The following PCDHGA1 variants were observed in gnomAD, a reference collection of about 807,000 sequenced individuals.
The protein encoded by PCDHGA1 is protocadherin gamma-A1.
PCDHGA1 carries 32 observed loss-of-function variants against 58.0 expected under a neutral mutation model. The ratio of observed to expected loss-of-function variants is 0.55; its 90% confidence interval spans 0.42 to 0.74. PCDHGA1 has a LOEUF of 0.74. Ranked by LOEUF, PCDHGA1 falls within the 30% of genes least tolerant of loss-of-function variation. The pLI, the probability that PCDHGA1 is intolerant of heterozygous loss-of-function variation, is 0.00. For synonymous variants in PCDHGA1, 498 were observed against 501.1 expected (o/e 0.99, Z 0.08); for missense variants, 1,205 against 1,182.3 (o/e 1.02, Z -0.28).
chr5:141,468,814 C>G (rs2099180978), intron 1 of PCDHGA1, among the ~76,000 whole-genome samples: 1 of 151,814 alleles, frequency 6.6e-6, no homozygotes, highest in African/African-American at 2.4e-5. Context: ...TGCAGTGAGC[C>G]AAGATCAAGC....
At chr5:141,419,139 G>C in intron 1 of PCDHGA1, 1 of 1,613,916 alleles carries the variant, frequency 6.2e-7, no homozygotes, top group South Asian at 1.1e-5. Flanking sequence ...GCCACAGACA[G>C]GGGCAAGCCT....
At chr5:141,393,051 C>T in intron 1 of PCDHGA1, 1 of 1,613,622 alleles carries the variant, frequency 6.2e-7, no homozygotes, top group Non-Finnish European at 8.5e-7. Context: ...TCTGAACCCG[C>T]GCAGCGGCAG....
chr5:141,332,610 C>T lies in PCDHGA1; in HGVS notation c.1926C>T (p.Leu642=). 6.2e-7 allele frequency: 1 copy of T among 1,612,896 alleles called. No homozygotes were observed. ...ACAGAGACGCGCTCAAGCAGAGTCT[C>T]GTGGTGGCCGTCCAGGACCACGGCC... ...LLDRDALKQS[L]VVAVQDHGQP... The change falls in exon 1 of 4, where the codon CTC becomes CTT. Residue 642 remains leucine (L), a synonymous_variant. Coordinates refer to ENST00000517417, the MANE Select transcript of PCDHGA1 (RefSeq NM_018912.3). This position sits in a 1 kb window ranked among gnomAD's most constrained non-coding sequence, Gnocchi z 4.6.
chr5:141,352,541 T>A, intron 1 of PCDHGA1: 1 of 1,613,748 alleles, frequency 6.2e-7, no homozygotes, highest in Non-Finnish European at 8.5e-7. Context: ...AAAGACAGAG[T>A]TTAATTCTCT....
chr5:141,356,665 T>C (rs748524462), intron 1 of PCDHGA1: 3 of 1,613,898 alleles, frequency 1.9e-6, no homozygotes, highest in Admixed American at 3.3e-5. Flanking sequence ...CCGAATCACT[T>C]ACTCCCTGGC....
At chr5:141,464,411 A>G (rs1029342220) in intron 1 of PCDHGA1, among the ~76,000 whole-genome samples, 3 of 151,624 alleles carry the variant, frequency 2.0e-5, no homozygotes, top group Admixed American at 6.6e-5. Flanking sequence ...AGATATATAT[A>G]TATCTATATA....
Position 141,333,064 on chromosome 5 carries a change from C to A in PCDHGA1, c.2380C>A (p.Pro794Thr), listed in dbSNP as rs768123443. The A allele has an allele frequency of 1.1e-5, 17 of 1,614,196 alleles. No homozygotes were observed. The Admixed American group carries it at 2.8e-4, about 27-fold the overall frequency. The change falls in exon 1 of 4, where the codon CCC becomes ACC. Residue 794 changes from proline to threonine, a missense_variant. Transcript: ENST00000517417. ...SCEKKGFLSA[P>T]QSLLEDKKEP... ...TGAGAAAAAGGGTTTTCTATCAGCA[C>A]CCCAGTCTTTACTTGAAGACAAAAA...
intron 1 of PCDHGA1, chr5:141,395,542 TTGTGTGTGTGTGTGTGTG>T (rs55729045): frequency 3.2e-4 from 55 of 172,630 alleles, no homozygotes; most frequent in Middle Eastern, 1.8e-3. Context: ...TTGCTATTGT[TTGTGTGTGTGTGTGTGTG>T]TGTGTGTGTG....
At chr5:141,461,225 T>C (rs1157429654) in intron 1 of PCDHGA1, among the ~76,000 whole-genome samples, 3 of 152,162 alleles carry the variant, frequency 2.0e-5, no homozygotes, top group African/African-American at 7.2e-5. Flanking sequence ...CTGTTTTCCA[T>C]AGAGGTTGTA....
intron 1 of PCDHGA1, among the ~76,000 whole-genome samples, chr5:141,470,152 T>C (rs546219809): frequency 2.6e-5 from 4 of 152,308 alleles, no homozygotes; most frequent in African/African-American, 9.6e-5. Context: ...ATAGATCATC[T>C]TATCAAATCA....
chr5:141,449,475 C>T (rs1351574160), intron 1 of PCDHGA1, among the ~76,000 whole-genome samples: 8 of 150,696 alleles, frequency 5.3e-5, no homozygotes, highest in African/African-American at 1.9e-4. Flanking sequence ...GGCCTGGTAC[C>T]CCATGCCTAA....
chr5:141,401,564 C>A (rs2094168610), intron 1 of PCDHGA1, among the ~76,000 whole-genome samples: 1 of 152,204 alleles, frequency 6.6e-6, no homozygotes, highest in African/African-American at 2.4e-5. Flanking sequence ...GCCTGAATTT[C>A]TCTTGCTCGG....
intron 1 of PCDHGA1, among the ~76,000 whole-genome samples, chr5:141,464,397 C>T (rs1352852782): frequency 1.3e-5 from 2 of 150,158 alleles, no homozygotes; most frequent in Non-Finnish European, 3.0e-5. Context: ...TAATGAAGAA[C>T]CTGAGATATA....
Position 141,487,007 on chromosome 5 carries a change from G to C in PCDHGA1, c.2422-7800G>C, listed in dbSNP as rs563548715. On this transcript the variant is annotated intron_variant, in intron 1 of 3. Transcript: ENST00000517417. This position sits in a 1 kb window ranked among gnomAD's most constrained non-coding sequence, Gnocchi z 5.0. ...TGCTTGGGTTTCCTATCAGCTCCTG[G>C]AGGCCCCAGATCCCAGCCTGTTTGC... The C allele has an allele frequency of 6.2e-7, 1 of 1,614,206 alleles. No individual in the cohort carries two copies. Among genetic ancestry groups the C allele is most frequent in the Non-Finnish European group, 8.5e-7 (1 of 1,180,042 alleles).
At chr5:141,360,839 C>T (rs1337655560) in intron 1 of PCDHGA1, 3 of 1,613,822 alleles carry the variant, frequency 1.9e-6, no homozygotes, top group African/African-American at 1.3e-5. Flanking sequence ...GTCACGGATG[C>T]CAACGATAAC....
rs182682202 is a variant in PCDHGA1 at position 141,445,418 on chromosome 5, T to A, written c.2422-49389T>A. Among the ~76,000 whole-genome samples the A allele has an allele frequency of 2.2e-3, 335 of 152,310 alleles. 1 individual carries two copies. Among genetic ancestry groups the A allele is most frequent in the Middle Eastern group, 0.01 (3 of 294 alleles). Reference sequence around the variant, plus strand: ...ACAAATATTTATTAACTGTCTGCTATATGCAAGGCACTGACCTATGGACTA... The same window carrying A: ...ACAAATATTTATTAACTGTCTGCTAAATGCAAGGCACTGACCTATGGACTA... On this transcript the variant is annotated intron_variant, in intron 1 of 3. Transcript: ENST00000517417.
rs145936007 is a variant in PCDHGA1, at chr5:141,490,795, C to T, written c.2422-4012C>T. 2.0e-5 allele frequency: 33 copies of T among 1,614,036 alleles called. No homozygotes were observed. Among genetic ancestry groups the T allele is most frequent in the Non-Finnish European group, 2.8e-5 (33 of 1,179,922 alleles). ...CCCAGAGGATGGACGGATCTTTGCC[C>T]AGCGTACCTTTGACTATGAATTGCT... On this transcript the variant is annotated intron_variant, in intron 1 of 3. Coordinates refer to ENST00000517417, the MANE Select transcript of PCDHGA1 (RefSeq NM_018912.3). This position sits in a 1 kb window ranked among gnomAD's most constrained non-coding sequence, Gnocchi z 5.4.
At chr5:141,409,897 A>C (rs549955923) in intron 1 of PCDHGA1, 1 of 1,613,086 alleles carries the variant, frequency 6.2e-7, no homozygotes, top group Non-Finnish European at 8.5e-7. Context: ...TGCTGTACCC[A>C]GCTCTGGGTC....
At chr5:141,444,152 A>ATTTTTTTTTTTT (rs747671382) in intron 1 of PCDHGA1, among the ~76,000 whole-genome samples, 4 of 33,898 alleles carry the variant, frequency 1.2e-4, no homozygotes, top group Admixed American at 3.9e-4. Flanking sequence ...TGTGTACTGG[A>ATTTTTTTTTTTT]TTTTTTTTTT....
Sources: allele counts gnomAD v4.1 joint callset (sites outside exome capture counted in the v4.1 genomes callset), GRCh38; gene constraint gnomAD v4.1.1; non-coding constraint Gnocchi (gnomAD v3.1); transcripts MANE v1.5; gene names NCBI Gene and HGNC (gene_info 2026-07-23, HGNC 2026-07-21).